Variants in TTC29 observed in about 807,000 individuals in gnomAD.
TTC29 encodes the protein tetratricopeptide repeat protein 29.
TTC29 carries 49 observed loss-of-function variants against 58.1 expected under a neutral mutation model. The observed-to-expected ratio is 0.84, with a 90% CI of 0.67 to 1.07. The LOEUF is 1.07. Ranked by LOEUF, TTC29 falls within the 50% of genes least tolerant of loss-of-function variation. TTC29 has a pLI of 0.00. For missense variants in TTC29, 582 were observed against 555.6 expected, an observed-to-expected ratio of 1.05 and a Z score of -0.48; for synonymous variants, 209 against 196.8, an observed-to-expected ratio of 1.06 and a Z score of -0.52.
chr4:146,815,618 A>C (rs962925837), intron 10 of TTC29, among the ~76,000 whole-genome samples: 1 of 152,246 alleles, frequency 6.6e-6, no homozygotes, highest in Non-Finnish European at 1.5e-5. Context: ...ATAGATTAAA[A>C]AGAGAAGATT....
chr4:146,934,702 A>C (rs1560735295), intron 4 of TTC29, among the ~76,000 whole-genome samples: 1 of 152,160 alleles, frequency 6.6e-6, no homozygotes, highest in Admixed American at 6.5e-5. Flanking sequence ...AGAAGACTGA[A>C]GTGCTCCAGT....
intron 11 of TTC29, among the ~76,000 whole-genome samples, chr4:146,778,595 C>T (rs950789515): frequency 2.0e-5 from 3 of 152,018 alleles, no homozygotes; most frequent in Non-Finnish European, 4.4e-5. Flanking sequence ...GTATTAAGTA[C>T]ATCATATTTT....
chr4:146,909,104 T>C lies in TTC29; in HGVS notation c.322A>G (p.Lys108Glu). 7 of 1,613,908 alleles carry C rather than the reference T, an allele frequency of 4.3e-6. No homozygotes were observed. Among genetic ancestry groups the C allele is most frequent in the Non-Finnish European group, 5.9e-6 (7 of 1,179,864 alleles). The change falls in exon 5 of 13, where the codon AAG (lysine) becomes GAG (glutamate). Residue 108 changes from lysine (K) to glutamate (E), a missense_variant. Lys to Glu is a moderately conservative substitution (Grantham distance 56). Coordinates refer to ENST00000325106, the MANE Select transcript of TTC29 (RefSeq NM_031956.4). The part of the protein sequence containing the change: ...ARVRSLFWLQ[K>E]PLEEQPDKLD... Reference sequence around the variant, plus strand: ...TTATCAGGCTGCTCCTCCAGGGGCTTCTGCAGCCAGAAGAGGGACCTGACT... The same window carrying C: ...TTATCAGGCTGCTCCTCCAGGGGCTCCTGCAGCCAGAAGAGGGACCTGACT...
intron 11 of TTC29, among the ~76,000 whole-genome samples, chr4:146,775,775 T>G (rs990889453): frequency 6.6e-6 from 1 of 152,184 alleles, no homozygotes; most frequent in East Asian, 1.9e-4. Flanking sequence ...GTTCTCTGCA[T>G]TTCCTGAATT....
chr4:146,755,526 T>C (rs1746374339), intron 11 of TTC29, among the ~76,000 whole-genome samples: 1 of 152,070 alleles, frequency 6.6e-6, no homozygotes, highest in Non-Finnish European at 1.5e-5. Flanking sequence ...ATGAACAAAT[T>C]AGAGATCTAA....
chr4:146,799,006 T>G (rs181531449), intron 11 of TTC29, among the ~76,000 whole-genome samples: 1 of 150,440 alleles, frequency 6.6e-6, no homozygotes, highest in East Asian at 2.0e-4. Context: ...ATTTTGAACC[T>G]CAGGTAACAG....
At chr4:146,725,578 T>C (rs921997333) in intron 11 of TTC29, among the ~76,000 whole-genome samples, 8 of 152,154 alleles carry the variant, frequency 5.3e-5, no homozygotes, top group Non-Finnish European at 8.8e-5. Context: ...TTATGGCTAA[T>C]TCCACGTAAC....
At chr4:146,926,445 A>G (rs1734936022) in intron 4 of TTC29, among the ~76,000 whole-genome samples, 1 of 152,080 alleles carries the variant, frequency 6.6e-6, no homozygotes, top group Non-Finnish European at 1.5e-5. Flanking sequence ...ATAATCTGAC[A>G]GCTGTGTAAT....
chr4:146,732,706 A>C (rs1579549234), intron 11 of TTC29, among the ~76,000 whole-genome samples: 1 of 152,204 alleles, frequency 6.6e-6, no homozygotes, highest in South Asian at 2.1e-4. Flanking sequence ...GAAATGACCA[A>C]AAGTTAGCAG....
chr4:146,939,128 A>C (rs1055567498), intron 3 of TTC29, among the ~76,000 whole-genome samples: 2 of 152,214 alleles, frequency 1.3e-5, no homozygotes, highest in South Asian at 4.2e-4. Context: ...CCAAAACAGA[A>C]GTCAGCCCTT....
chr4:146,740,909 A>C (rs1363036390), intron 11 of TTC29, among the ~76,000 whole-genome samples: 1 of 152,014 alleles, frequency 6.6e-6, no homozygotes, highest in African/African-American at 2.4e-5. Flanking sequence ...TTTTTAAAAA[A>C]TATTTTAGAG....
At chr4:146,863,203 G>T (rs191650540) in intron 8 of TTC29, among the ~76,000 whole-genome samples, 29 of 151,434 alleles carry the variant, frequency 1.9e-4, no homozygotes, top group African/African-American at 7.0e-4. Flanking sequence ...GAGTTCTCTC[G>T]TTCCAGCCCA....
At chr4:146,919,232 T>G (rs184558000) in intron 4 of TTC29, among the ~76,000 whole-genome samples, 1 of 151,264 alleles carries the variant, frequency 6.6e-6, no homozygotes, top group African/African-American at 2.4e-5. Context: ...TTTGGCTAAC[T>G]GCAGCAAATC....
intron 4 of TTC29, among the ~76,000 whole-genome samples, chr4:146,929,827 A>G (rs1176440743): frequency 6.6e-6 from 1 of 152,064 alleles, no homozygotes; most frequent in African/African-American, 2.4e-5. Flanking sequence ...TGTGCAATAC[A>G]GCAAAGTGCA....
At chr4:146,884,169 T>C (rs189304500) in intron 6 of TTC29, among the ~76,000 whole-genome samples, 15 of 152,226 alleles carry the variant, frequency 9.9e-5, no homozygotes, top group Admixed American at 9.8e-4. Flanking sequence ...TGACAATTAA[T>C]TTATGTAGAA....
chr4:146,855,735 T>A lies in TTC29; in HGVS notation c.885+11763A>T, dbSNP rs1345672207. Among the ~76,000 whole-genome samples the A allele has an allele frequency of 1.3e-5, 2 of 152,226 alleles. 1 individual carries two copies. The highest frequency in any genetic ancestry group is 2.9e-5 in the Non-Finnish European group (2 of 68,042). The stretch of plus-strand genomic sequence containing the variant: ...ATAATTACTTACACTAAAGACACCT[T>A]TGAGAATGTTTTGGATAAGTTTTAA... On this transcript the variant is annotated intron_variant, in intron 8 of 12. Coordinates refer to ENST00000325106, the MANE Select transcript of TTC29 (RefSeq NM_031956.4).
chr4:146,717,246 GAA>G (rs1292899882), intron 11 of TTC29, among the ~76,000 whole-genome samples: 1 of 151,968 alleles, frequency 6.6e-6, no homozygotes, highest in African/African-American at 2.4e-5. Flanking sequence ...TTGTAATAGG[GAA>G]TATGGTCAGC....
At chr4:146,768,820 G>A (rs1335646226) in intron 11 of TTC29, among the ~76,000 whole-genome samples, 1 of 151,956 alleles carries the variant, frequency 6.6e-6, no homozygotes, top group African/African-American at 2.4e-5. Context: ...TATTTTTAAT[G>A]ATGGCCCTAA....
At chr4:146,792,840 A>G (rs1561129789) in intron 11 of TTC29, among the ~76,000 whole-genome samples, 3 of 152,188 alleles carry the variant, frequency 2.0e-5, no homozygotes, top group Non-Finnish European at 2.9e-5. Flanking sequence ...GGAGGTGGTC[A>G]AAATATATCA....
Sources: allele counts gnomAD v4.1 joint callset (sites outside exome capture counted in the v4.1 genomes callset), GRCh38; gene constraint gnomAD v4.1.1; transcripts MANE v1.5; gene names NCBI Gene and HGNC (gene_info 2026-07-23, HGNC 2026-07-21).